CDH11: variants seen among roughly 807,000 people sequenced by gnomAD.
CDH11 encodes the protein cadherin-11.
CDH11 carries 11 observed loss-of-function variants against 67.8 expected under a neutral mutation model. The observed-to-expected ratio is 0.16, with a 90% CI of 0.10 to 0.27. The LOEUF is 0.27. Among genes scored for constraint, CDH11 ranks in the 10% least tolerant of loss-of-function variants. The probability of loss-of-function intolerance (pLI) is 1.00; values close to 1 mark genes in which losing one functional copy is unlikely to be tolerated. For missense variants in CDH11, 847 were observed against 1,031.2 expected, an observed-to-expected ratio of 0.82 and a Z score of 2.45; for synonymous variants, 419 against 400.0, an observed-to-expected ratio of 1.05 and a Z score of -0.57.
At chr16:65,076,976 C>T (rs1345576106) in intron 1 of CDH11, among the ~76,000 whole-genome samples, 4 of 152,008 alleles carry the variant, frequency 2.6e-5, no homozygotes, top group Admixed American at 2.6e-4. Flanking sequence ...CCATTTTTCT[C>T]AGGGGCAACT....
At chr16:64,958,050 C>T (rs1280732347) in intron 11 of CDH11, among the ~76,000 whole-genome samples, 1 of 152,158 alleles carries the variant, frequency 6.6e-6, no homozygotes, top group Admixed American at 6.5e-5. Flanking sequence ...TACCTGTACA[C>T]ATTACTGCAT....
At chr16:65,039,595 A>C (rs1192894553) in intron 2 of CDH11, among the ~76,000 whole-genome samples, 1 of 152,206 alleles carries the variant, frequency 6.6e-6, no homozygotes, top group Non-Finnish European at 1.5e-5. Context: ...TAGACCTAAA[A>C]CCATAAAAAC....
At chr16:65,065,288 C>T (rs2074295902) in intron 1 of CDH11, among the ~76,000 whole-genome samples, 1 of 152,208 alleles carries the variant, frequency 6.6e-6, no homozygotes, top group Non-Finnish European at 1.5e-5. Flanking sequence ...TACCAATATC[C>T]TGTTTTATTC....
At chr16:65,079,941 T>C (rs780995304) in intron 1 of CDH11, among the ~76,000 whole-genome samples, 8 of 152,238 alleles carry the variant, frequency 5.3e-5, no homozygotes, top group Non-Finnish European at 1.0e-4. Flanking sequence ...TAATTATCCA[T>C]ATAATTTTTA....
At chr16:65,089,896 A>G (rs1422475699) in intron 1 of CDH11, among the ~76,000 whole-genome samples, 1 of 152,156 alleles carries the variant, frequency 6.6e-6, no homozygotes, top group African/African-American at 2.4e-5. Context: ...AACATTTTGC[A>G]TTTATTATTG....
chr16:65,102,031 T>C (rs934818070), intron 1 of CDH11, among the ~76,000 whole-genome samples: 10 of 152,340 alleles, frequency 6.6e-5, no homozygotes, highest in African/African-American at 2.4e-4. Flanking sequence ...AATATAGACA[T>C]GTATTCTTAA....
At position 64,982,080 on chromosome 16, in the gene CDH11, G is replaced by A. The variant is rs2142458562; in HGVS notation, c.1221C>T (p.Ala407=). The change falls in exon 8 of 13, where the codon GCC becomes GCT. Residue 407 remains alanine (A), a synonymous_variant. Transcript: ENST00000268603. Reference sequence around the variant, plus strand: ...GGCTGTTGGCAGCATCAGGGTCTTTGGCATGCACTCTCCCAACCACGGTGC... The same window carrying A: ...GGCTGTTGGCAGCATCAGGGTCTTTAGCATGCACTCTCCCAACCACGGTGC... ...AAGTVVGRVH[A]KDPDAANSPI... 1 of 1,613,850 alleles carries A rather than the reference G, an allele frequency of 6.2e-7. No individual in the cohort carries two copies. Among genetic ancestry groups the A allele is most frequent in the Non-Finnish European group, 8.5e-7 (1 of 1,179,882 alleles).
intron 2 of CDH11, among the ~76,000 whole-genome samples, chr16:65,008,126 C>T (rs2073100068): frequency 6.6e-6 from 1 of 152,236 alleles, no homozygotes; most frequent in South Asian, 2.1e-4. Context: ...TTTCTTCTGG[C>T]TGCCATTTTG....
At chr16:65,115,902 C>T (rs1022894606) in intron 1 of CDH11, among the ~76,000 whole-genome samples, 8 of 152,058 alleles carry the variant, frequency 5.3e-5, no homozygotes, top group African/African-American at 1.4e-4. Context: ...GATCACAACA[C>T]TGCACTCCAG....
intron 2 of CDH11, among the ~76,000 whole-genome samples, chr16:65,034,437 G>C (rs2073711055): frequency 6.6e-6 from 1 of 152,166 alleles, no homozygotes; most frequent in Non-Finnish European, 1.5e-5. Flanking sequence ...CCCACTGCCA[G>C]GATGCCAGCC....
chr16:64,981,614 G>A (rs1393952245), intron 8 of CDH11: 1 of 152,560 alleles, frequency 6.6e-6, no homozygotes, highest in African/African-American at 2.4e-5. Context: ...CTCATTTTAA[G>A]GACTAGCAAT....
chr16:65,122,120 G>GGGGC, upstream of CDH11: 3 of 428,640 alleles, frequency 7.0e-6, no homozygotes, highest in Non-Finnish European at 1.3e-5. Context: ...TGGCGGGCGG[G>GGGGC]CAGGCGGGTG....
chr16:65,077,891 G>A (rs929984290), intron 1 of CDH11, among the ~76,000 whole-genome samples: 2 of 152,152 alleles, frequency 1.3e-5, no homozygotes, highest in African/African-American at 4.8e-5. Flanking sequence ...TTCAATTAAT[G>A]TTAGCCAGAA....
chr16:65,030,242 G>A (rs1045134439), intron 2 of CDH11, among the ~76,000 whole-genome samples: 2 of 152,168 alleles, frequency 1.3e-5, no homozygotes, highest in African/African-American at 4.8e-5. Flanking sequence ...ATTAAATTTA[G>A]ATTCAAATAA....
rs79468215 is a variant in CDH11 at position 65,027,300 on chromosome 16, G to T, written c.-172-22259C>A. ...TTTGCTCCATTTTTAGAGCACCATT[G>T]TAACAAAGCCCAGCTGGATGTCTCC... On this transcript the variant is annotated intron_variant, in intron 2 of 12. Transcript: ENST00000268603. Among the ~76,000 whole-genome samples the T allele has an allele frequency of 3.3e-5, 5 of 152,274 alleles. No homozygotes were observed. In the East Asian group the frequency reaches 9.7e-4, roughly 29 times the overall value.
intron 8 of CDH11, among the ~76,000 whole-genome samples, chr16:64,976,046 A>T (rs996906702): frequency 6.6e-6 from 1 of 152,210 alleles, no homozygotes. Flanking sequence ...TAATTACAAG[A>T]TCAAAAATAT....
intron 1 of CDH11, among the ~76,000 whole-genome samples, chr16:65,100,736 T>C (rs1277417022): frequency 1.1e-5 from 1 of 93,940 alleles, no homozygotes; most frequent in Non-Finnish European, 2.4e-5. Context: ...AGACTCTGTC[T>C]CAAAAAAAAA....
rs1419736606 is a variant in CDH11 at position 64,945,646 on chromosome 16, G to A, written c.*1957C>T. On this transcript the variant is annotated 3_prime_UTR_variant, in exon 13 of 13. Transcript: ENST00000268603. ...TTGAGAATGTGTAATCCTTCACTGA[G>A]ATGAAAGATTCTAAAGTGACATTGT... 2 of 1,036,004 alleles carry A rather than the reference G, an allele frequency of 1.9e-6. No individual in the cohort carries two copies. Among genetic ancestry groups the A allele is most frequent in the African/African-American group, 3.4e-5 (2 of 59,594 alleles). The allele number at this position is 1,036,004 out of a possible 1,614,324, so 64.2% of individuals were successfully genotyped here.
rs1453675266 is a variant in CDH11, at chr16:64,957,627, CA to C, written c.1643-6610del. ...ACACACACACACACACACACACACA[CA>C]CACACCCATCCATATATATATATAT... On this transcript the variant is annotated intron_variant, in intron 11 of 12. Coordinates refer to ENST00000268603, the MANE Select transcript of CDH11 (RefSeq NM_001797.4). Among the ~76,000 whole-genome samples the C allele has an allele frequency of 5.8e-4, 84 of 144,912 alleles. 1 individual carries two copies. The highest frequency in any genetic ancestry group is 8.2e-4 in the Admixed American group (12 of 14,560).
Sources: gnomAD v4.1 joint callset for allele counts (sites outside exome capture counted in the v4.1 genomes callset) on GRCh38, gnomAD v4.1.1 for gene constraint, MANE v1.5 for transcripts, NCBI Gene and HGNC (gene_info 2026-07-23, HGNC 2026-07-21) for gene names.